Variants in TRIM26 observed in about 807,000 individuals in gnomAD.
TRIM26 encodes tripartite motif-containing protein 26.
Under a neutral mutation model 45.5 loss-of-function variants are expected in TRIM26, and 16 were observed. The observed-to-expected ratio is 0.35, with a 90% CI of 0.24 to 0.53. TRIM26 has a LOEUF of 0.53. TRIM26 is among the 20% of genes least tolerant of loss of function. The pLI, the probability that TRIM26 is intolerant of heterozygous loss-of-function variation, is 0.92. For missense variants in TRIM26, 442 were observed against 691.1 expected, an observed-to-expected ratio of 0.64 and a Z score of 4.04; for synonymous variants, 273 against 290.4, an observed-to-expected ratio of 0.94 and a Z score of 0.61.
chr6:30,194,944 A>G (rs1400640863), intron 6 of TRIM26, among the ~76,000 whole-genome samples: 2 of 152,194 alleles, frequency 1.3e-5, no homozygotes, highest in African/African-American at 2.4e-5. Context: ...TATACATTAT[A>G]TAGCACTAAA....
chr6:30,185,747 G>T lies in TRIM26; in HGVS notation c.*129C>A. On this transcript the variant is annotated 3_prime_UTR_variant, in exon 10 of 10. Transcript: ENST00000454678. This position sits in a 1 kb window ranked among gnomAD's most constrained non-coding sequence, Gnocchi z 5.7. ...CAGGGGGCCACAGCAATGGGGAGGT[G>T]GCTACCAGTGGATATGGGGTCCCCT... 1 of 1,006,256 alleles carries T rather than the reference G, an allele frequency of 9.9e-7. No individual in the cohort carries two copies. Among genetic ancestry groups the T allele is most frequent in the Non-Finnish European group, 1.4e-6 (1 of 691,312 alleles). 62.3% of individuals were successfully genotyped at this position (1,006,256 alleles called of 1,614,324 possible). A position where few individuals can be genotyped will look rare whatever the true frequency, so the allele number is the denominator to read the frequency against.
intron 6 of TRIM26, among the ~76,000 whole-genome samples, chr6:30,192,412 C>A (rs1201245649): frequency 1.3e-5 from 2 of 152,186 alleles, no homozygotes; most frequent in Non-Finnish European, 2.9e-5. Context: ...CTCCTGTCAC[C>A]CCAATCCCTT....
chr6:30,208,799 T>C (rs1199749337), intron 1 of TRIM26, among the ~76,000 whole-genome samples: 2 of 152,176 alleles, frequency 1.3e-5, no homozygotes, highest in African/African-American at 4.8e-5. Flanking sequence ...TAGTGCTATG[T>C]AGTCTGCTCA....
chr6:30,187,496 C>A (rs1350292271), intron 9 of TRIM26: 2 of 524,188 alleles, frequency 3.8e-6, no homozygotes, highest in Non-Finnish European at 7.8e-6. Flanking sequence ...TAACTTCATC[C>A]CCTTTTGCAG....
chr6:30,208,904 ATGTGTGTGTGTG>A lies in TRIM26; in HGVS notation c.-375-4151_-375-4140del, dbSNP rs9278612. Among the ~76,000 whole-genome samples, 295 of 140,828 alleles carry A rather than the reference ATGTGTGTGTGTG, an allele frequency of 2.1e-3. 3 individuals carry two copies. Among genetic ancestry groups the A allele is most frequent in the Middle Eastern group, 0.011 (3 of 284 alleles). The allele number at this position is 140,828 out of a possible 152,430, so 92.4% of individuals were successfully genotyped here. On this transcript the variant is annotated intron_variant, in intron 1 of 9. Coordinates refer to ENST00000454678, the MANE Select transcript of TRIM26 (RefSeq NM_003449.5). Reference sequence around the variant, plus strand: ...CACTCTGGAGGATGGGATATAGAATATGTGTGTGTGTGTGTGTGTGTGTGTGTGTGTGTGTGT... The same window carrying A: ...CACTCTGGAGGATGGGATATAGAATATGTGTGTGTGTGTGTGTGTGTGTGT...
chr6:30,188,217 C>CAAAAAAAAAAAAAAAAAAAAAA (rs9280914), intron 9 of TRIM26: 1 of 104,122 alleles, frequency 9.6e-6, no homozygotes, highest in African/African-American at 6.3e-5. Context: ...GACTCCGTCT[C>CAAAAAAAAAAAAAAAAAAAAAA]AAAAAAAAAA....
chr6:30,185,990 G>A lies in TRIM26; in HGVS notation c.1506C>T (p.Phe502=). Residue 502 remains phenylalanine (F), a synonymous_variant, in exon 10 of 10, where the codon TTC becomes TTT. Transcript: ENST00000454678. The surrounding 1 kb of genome is among the most constrained non-coding windows in gnomAD (Gnocchi z 5.7). ...ALDYEGGTVT[F]TNAESQELIY... ...TGAGTTCCTGTGACTCTGCGTTGGT[G>A]AAAGTCACGGTGCCCCCTTCATAAT... 1 of 1,612,312 alleles carries A rather than the reference G, an allele frequency of 6.2e-7. No individual in the cohort carries two copies. The highest frequency in any genetic ancestry group is 1.1e-5 in the South Asian group (1 of 90,900).
At chr6:30,203,578 G>T (rs1239082215) in intron 2 of TRIM26, among the ~76,000 whole-genome samples, 1 of 151,886 alleles carries the variant, frequency 6.6e-6, no homozygotes, top group Non-Finnish European at 1.5e-5. Context: ...ACCACATCCG[G>T]CTAATTTTTT....
At position 30,190,342 on chromosome 6, in the gene TRIM26, A is replaced by C; in HGVS notation, c.766-307T>G. ...TGAAGAGAGGTAAGGTAAAACAGGAAAGGGCTTGGTGAGAACGGCAGAGGC... is the reference window on the plus strand; with the variant it reads ...TGAAGAGAGGTAAGGTAAAACAGGACAGGGCTTGGTGAGAACGGCAGAGGC... On this transcript the variant is annotated intron_variant, in intron 6 of 9. Transcript: ENST00000454678. The surrounding 1 kb of genome is among the most constrained non-coding windows in gnomAD (Gnocchi z 4.3). 1 of 498,778 alleles carries C rather than the reference A, an allele frequency of 2.0e-6. No homozygotes were observed. Among genetic ancestry groups the C allele is most frequent in the Non-Finnish European group, 3.6e-6 (1 of 274,722 alleles). The allele number at this position is 498,778 out of a possible 1,614,324, so 30.9% of individuals were successfully genotyped here. A position where few individuals can be genotyped will look rare whatever the true frequency, so the allele number is the denominator to read the frequency against.
intron 6 of TRIM26, among the ~76,000 whole-genome samples, chr6:30,195,532 T>A (rs1250462460): frequency 6.6e-6 from 1 of 152,172 alleles, no homozygotes; most frequent in Non-Finnish European, 1.5e-5. Context: ...CTGGAAGGTC[T>A]AAAATCCCTG....
intron 5 of TRIM26, among the ~76,000 whole-genome samples, chr6:30,197,025 G>A (rs1456614867): frequency 1.3e-5 from 2 of 152,272 alleles, no homozygotes; most frequent in East Asian, 1.9e-4. Flanking sequence ...AAACCAGTAC[G>A]CTCTGGGGCC....
chr6:30,186,326 T>A lies in TRIM26; in HGVS notation c.1170A>T (p.Glu390Asp), dbSNP rs1245504272. ...SEDEEEGDEE[E>D]EGEEEEEEEE... ...CTTCCTCCTCCTCCTCTTCTCCCTC[T>A]TCCTCCTCATCCCCCTCTTCTTCAT... Residue 390 changes from glutamate (E) to aspartate (D), a missense_variant, in exon 10 of 10, where the codon GAA becomes GAT. Physicochemically the swap from Glu to Asp is conservative, Grantham distance 45 (BLOSUM62 2). Transcript: ENST00000454678. The surrounding 1 kb of genome is among the most constrained non-coding windows in gnomAD (Gnocchi z 7.4). 55 of 1,611,384 alleles carry A rather than the reference T, an allele frequency of 3.4e-5. No individual in the cohort carries two copies. The highest frequency in any genetic ancestry group is 4.6e-5 in the Non-Finnish European group (54 of 1,178,570).
At chr6:30,202,130 A>T (rs902240656) in intron 2 of TRIM26, among the ~76,000 whole-genome samples, 2 of 147,892 alleles carry the variant, frequency 1.4e-5, no homozygotes, top group East Asian at 3.9e-4. Flanking sequence ...TACTTGCAAA[A>T]TAAGAACAAT....
At position 30,184,690 on chromosome 6, in the gene TRIM26, G is replaced by T. The variant is rs11158; in HGVS notation, c.*1186C>A. The T allele has an allele frequency of 0.064, 9,802 of 152,914 alleles. 466 individuals are homozygous for T. The highest frequency in any genetic ancestry group is 0.1 in the Non-Finnish European group (7,044 of 68,146). 9.5% of individuals were successfully genotyped at this position (152,914 alleles called of 1,614,324 possible). ...CCAGAGCCGTTGGAACAGTCTCTTA[G>T]AACAGGGTGGAGGACTTAAAACTTG... On this transcript the variant is annotated 3_prime_UTR_variant, in exon 10 of 10. Coordinates refer to ENST00000454678, the MANE Select transcript of TRIM26 (RefSeq NM_003449.5).
rs530450470 is a variant in TRIM26 at position 30,193,099 on chromosome 6, T to C, written c.766-3064A>G. On this transcript the variant is annotated intron_variant, in intron 6 of 9. Transcript: ENST00000454678. ...ATATGTATATATACATATATATGTA[T>C]CTATATACATATATATGTGTATATA... Among the ~76,000 whole-genome samples, 7 of 130,790 alleles carry C rather than the reference T, an allele frequency of 5.4e-5. 1 individual carries two copies. Among genetic ancestry groups the C allele is most frequent in the African/African-American group, 2.1e-4 (7 of 33,512 alleles). 85.8% of individuals were successfully genotyped at this position (130,790 alleles called of 152,430 possible).
intron 1 of TRIM26, among the ~76,000 whole-genome samples, chr6:30,212,091 C>A (rs1562243383): frequency 6.6e-6 from 1 of 152,224 alleles, no homozygotes; most frequent in Non-Finnish European, 1.5e-5. Flanking sequence ...CATGTTAGTA[C>A]ATGCCCTTGA....
At chr6:30,187,006 G>T in intron 9 of TRIM26, 1 of 400,064 alleles carries the variant, frequency 2.5e-6, no homozygotes, top group Non-Finnish European at 4.6e-6. Flanking sequence ...ATCAGCTGCA[G>T]TGAAAGGAAC....
In TRIM26 at chr6:30,190,334, A is replaced by G; in HGVS notation, c.766-299T>C. On this transcript the variant is annotated intron_variant, in intron 6 of 9. Transcript: ENST00000454678. This position sits in a 1 kb window ranked among gnomAD's most constrained non-coding sequence, Gnocchi z 4.3. ...TGGCCGGATGAAGAGAGGTAAGGTA[A>G]AACAGGAAAGGGCTTGGTGAGAACG... The G allele has an allele frequency of 9.6e-6, 5 of 520,280 alleles. No homozygotes were observed. Among genetic ancestry groups the G allele is most frequent in the Non-Finnish European group, 1.7e-5 (5 of 288,494 alleles). 32.2% of individuals were successfully genotyped at this position (520,280 alleles called of 1,614,324 possible). A position where few individuals can be genotyped will look rare whatever the true frequency, so the allele number is the denominator to read the frequency against.
rs1775261661 is a variant in TRIM26 at position 30,186,976 on chromosome 6, T to C, written c.938-418A>G. Reference sequence around the variant, plus strand: ...GTCCTCTTTTTCAAGTAACTCTTGATATGCTTCTTGGTAATCCGGATCAGC... The same window carrying C: ...GTCCTCTTTTTCAAGTAACTCTTGACATGCTTCTTGGTAATCCGGATCAGC... On this transcript the variant is annotated intron_variant, in intron 9 of 9. Transcript: ENST00000454678. The surrounding 1 kb of genome is among the most constrained non-coding windows in gnomAD (Gnocchi z 7.4). 1 of 443,728 alleles carries C rather than the reference T, an allele frequency of 2.3e-6. No individual in the cohort carries two copies. Among genetic ancestry groups the C allele is most frequent in the Non-Finnish European group, 4.1e-6 (1 of 242,042 alleles). The allele number at this position is 443,728 out of a possible 1,614,324, so 27.5% of individuals were successfully genotyped here. A position where few individuals can be genotyped will look rare whatever the true frequency, so the allele number is the denominator to read the frequency against.
Sources: allele counts gnomAD v4.1 joint callset (sites outside exome capture counted in the v4.1 genomes callset), GRCh38; gene constraint gnomAD v4.1.1; non-coding constraint Gnocchi (gnomAD v3.1); transcripts MANE v1.5; gene names NCBI Gene and HGNC (gene_info 2026-07-23, HGNC 2026-07-21).